FGGY: variants seen among roughly 807,000 people sequenced by gnomAD.
The protein encoded by FGGY is FGGY carbohydrate kinase domain containing.
A neutral mutation model predicts 71.3 loss-of-function variants in FGGY; 72 were observed. The observed-to-expected ratio is 1.01, with a 90% CI of 0.84 to 1.23. The LOEUF is 1.23. Among genes scored for constraint, FGGY ranks in the 50% most tolerant of loss-of-function variants. FGGY has a pLI of 0.00. For synonymous variants in FGGY, 251 were observed against 250.3 expected (o/e 1.00, Z -0.02); for missense variants, 668 against 682.3 (o/e 0.98, Z 0.23).
At chr1:59,352,183 G>A (rs944792215) in intron 4 of FGGY, among the ~76,000 whole-genome samples, 3 of 152,194 alleles carry the variant, frequency 2.0e-5, no homozygotes, top group African/African-American at 7.2e-5. Flanking sequence ...GGCTTGAGCA[G>A]CTGGGGTCTC....
chr1:59,530,485 C>T (rs770621115), intron 7 of FGGY, among the ~76,000 whole-genome samples: 6 of 152,048 alleles, frequency 3.9e-5, no homozygotes, highest in Admixed American at 6.6e-5. Context: ...GTAAGCCATC[C>T]GAGTATGATG....
At chr1:59,613,404 A>G (rs2096712752) in intron 9 of FGGY, among the ~76,000 whole-genome samples, 1 of 152,248 alleles carries the variant, frequency 6.6e-6, no homozygotes, top group Middle Eastern at 3.2e-3. Flanking sequence ...ACTACTGGGT[A>G]CATAACAAAA....
chr1:59,706,360 G>A (rs80202906), intron 14 of FGGY, among the ~76,000 whole-genome samples: 191 of 152,282 alleles, frequency 1.3e-3, no homozygotes, highest in African/African-American at 4.5e-3. Flanking sequence ...TGTTTCCCTG[G>A]CTGTAAGATG....
intron 5 of FGGY, among the ~76,000 whole-genome samples, chr1:59,415,741 G>T (rs1344364655): frequency 6.6e-6 from 1 of 152,156 alleles, no homozygotes; most frequent in Non-Finnish European, 1.5e-5. Flanking sequence ...TTCATCTCCA[G>T]GTCAGTGTCT....
chr1:59,574,242 G>C (rs1391332433), intron 8 of FGGY, among the ~76,000 whole-genome samples: 1 of 152,172 alleles, frequency 6.6e-6, no homozygotes, highest in African/African-American at 2.4e-5. Flanking sequence ...TCCAGCATCT[G>C]GTGGCTGCTG....
At chr1:59,746,376 A>G (rs192874995) in intron 14 of FGGY, among the ~76,000 whole-genome samples, 15 of 152,362 alleles carry the variant, frequency 9.8e-5, no homozygotes, top group African/African-American at 3.4e-4. Flanking sequence ...TTACCTTTCA[A>G]TAAAGTTTCT....
At chr1:59,576,511 T>C (rs2096077617) in intron 8 of FGGY, among the ~76,000 whole-genome samples, 1 of 152,148 alleles carries the variant, frequency 6.6e-6, no homozygotes, top group African/African-American at 2.4e-5. Flanking sequence ...GGCACATGTA[T>C]ACTTATGTAA....
At chr1:59,488,730 A>G (rs1296156403) in intron 6 of FGGY, among the ~76,000 whole-genome samples, 1 of 151,892 alleles carries the variant, frequency 6.6e-6, no homozygotes, top group African/African-American at 2.4e-5. Flanking sequence ...TGTATCATTT[A>G]AATTTTTTCT....
At chr1:59,496,833 C>G (rs1382927353) in intron 6 of FGGY, among the ~76,000 whole-genome samples, 1 of 152,094 alleles carries the variant, frequency 6.6e-6, no homozygotes, top group Non-Finnish European at 1.5e-5. Flanking sequence ...ATTAAAGTCC[C>G]AATTGTTACA....
At chr1:59,481,537 A>G (rs1171563600) in intron 6 of FGGY, among the ~76,000 whole-genome samples, 2 of 152,170 alleles carry the variant, frequency 1.3e-5, no homozygotes, top group Non-Finnish European at 2.9e-5. Context: ...GTAAAAGGGC[A>G]TATTTATAAA....
At position 59,335,184 on chromosome 1, in the gene FGGY, A is replaced by G. The variant is rs1406574937; in HGVS notation, c.202-4774A>G. On this transcript the variant is annotated intron_variant, in intron 2 of 15. Transcript: ENST00000303721. ...AATCATCACCTACTCCAGTTTTAGAACACTTATTACTCCAAAAGTTTCCTT... is the reference window on the plus strand; with the variant it reads ...AATCATCACCTACTCCAGTTTTAGAGCACTTATTACTCCAAAAGTTTCCTT... 2.6e-5 allele frequency among the ~76,000 whole-genome samples: 4 copies of G among 152,212 alleles called. No individual in the cohort carries two copies. In the South Asian group the frequency reaches 8.3e-4, roughly 32 times the overall value.
chr1:59,375,067 A>T (rs182171624), intron 4 of FGGY, among the ~76,000 whole-genome samples: 116 of 146,074 alleles, frequency 7.9e-4, no homozygotes, highest in Admixed American at 3.4e-3. Context: ...AAGTATAATA[A>T]TAATAAAAAA....
intron 7 of FGGY, among the ~76,000 whole-genome samples, chr1:59,546,580 A>G (rs2095528972): frequency 6.6e-6 from 1 of 151,902 alleles, no homozygotes. Context: ...TCTGTTTCCC[A>G]GTGCAATGGC....
At chr1:59,662,668 A>C (rs1306769224) in intron 12 of FGGY, among the ~76,000 whole-genome samples, 1 of 152,182 alleles carries the variant, frequency 6.6e-6, no homozygotes, top group Non-Finnish European at 1.5e-5. Flanking sequence ...AGATACACAA[A>C]TATTTACCAT....
chr1:59,422,995 G>A (rs914308543), intron 5 of FGGY, among the ~76,000 whole-genome samples: 7 of 152,162 alleles, frequency 4.6e-5, no homozygotes, highest in African/African-American at 1.7e-4. Context: ...CGTGGCAGCA[G>A]GGGTGTTTGG....
chr1:59,697,117 A>G (rs1404847853), intron 14 of FGGY, among the ~76,000 whole-genome samples: 1 of 152,222 alleles, frequency 6.6e-6, no homozygotes, highest in Admixed American at 6.5e-5. Flanking sequence ...GTGCCAGGCA[A>G]GAGAACATTG....
chr1:59,523,728 G>T (rs1426876068), intron 7 of FGGY, among the ~76,000 whole-genome samples: 1 of 152,216 alleles, frequency 6.6e-6, no homozygotes, highest in Non-Finnish European at 1.5e-5. Flanking sequence ...TGACTCTGAT[G>T]TAAGAGTTTG....
Position 59,619,112 on chromosome 1 carries a change from T to C in FGGY, c.1012-6876T>C, listed in dbSNP as rs114987096. ...TCTTTCTGAAACAGTTATGAGTCTGTCACTTGTGATAGCTCTTCAGTTGTC... is the reference window on the plus strand; with the variant it reads ...TCTTTCTGAAACAGTTATGAGTCTGCCACTTGTGATAGCTCTTCAGTTGTC... On this transcript the variant is annotated intron_variant, in intron 9 of 15. Coordinates refer to ENST00000303721, the MANE Select transcript of FGGY (RefSeq NM_018291.5). 6.5e-3 allele frequency among the ~76,000 whole-genome samples: 989 copies of C among 152,242 alleles called. 16 individuals carry two copies. The highest frequency in any genetic ancestry group is 0.023 in the African/African-American group (939 of 41,558).
chr1:59,619,324 G>A (rs568167271), intron 9 of FGGY, among the ~76,000 whole-genome samples: 3 of 152,012 alleles, frequency 2.0e-5, no homozygotes, highest in South Asian at 4.2e-4. Context: ...CTAACAGGAG[G>A]AGACAGATAA....
Sources: gnomAD v4.1 joint callset for allele counts (sites outside exome capture counted in the v4.1 genomes callset) on GRCh38, gnomAD v4.1.1 for gene constraint, MANE v1.5 for transcripts, NCBI Gene and HGNC (gene_info 2026-07-23, HGNC 2026-07-21) for gene names.